The following NPAS3 variants were observed in gnomAD, a reference collection of about 807,000 sequenced individuals.
NPAS3 encodes neuronal PAS domain protein 3.
In NPAS3, 14 loss-of-function variants were observed where a neutral mutation model predicts 73.1. That is an observed-to-expected ratio of 0.19 (90% confidence interval 0.13 to 0.30). The LOEUF (loss-of-function observed/expected upper bound fraction) is 0.30. Among genes scored for constraint, NPAS3 ranks in the 10% least tolerant of loss-of-function variants. NPAS3 has a pLI of 1.00. For missense variants in NPAS3, 1,096 were observed against 1,250.0 expected (o/e 0.88, Z 1.86); for synonymous variants, 620 against 541.5 (o/e 1.14, Z -2.01).
intron 5 of NPAS3, among the ~76,000 whole-genome samples, chr14:33,625,827 A>T (rs1308285419): frequency 6.6e-6 from 1 of 152,208 alleles, no homozygotes; most frequent in African/African-American, 2.4e-5. Flanking sequence ...ATAAAGCAAT[A>T]GGAGAATTCA....
intron 4 of NPAS3, among the ~76,000 whole-genome samples, chr14:33,436,583 T>A (rs1026106945): frequency 6.6e-5 from 10 of 152,214 alleles, no homozygotes; most frequent in African/African-American, 2.2e-4. Context: ...CTGCTGTTTT[T>A]ATAAAGCAGC....
chr14:33,758,436 G>T (rs182643720), intron 7 of NPAS3, among the ~76,000 whole-genome samples: 4 of 152,294 alleles, frequency 2.6e-5, no homozygotes, highest in South Asian at 2.1e-4. Flanking sequence ...CTCATTCAGG[G>T]CTTGGCCAAT....
At chr14:32,950,162 G>C (rs2036425277) in intron 1 of NPAS3, among the ~76,000 whole-genome samples, 1 of 151,992 alleles carries the variant, frequency 6.6e-6, no homozygotes, top group Non-Finnish European at 1.5e-5. Flanking sequence ...TTAGGTCCAT[G>C]ACAATCATCT....
At chr14:33,715,396 G>T (rs2060929852) in intron 6 of NPAS3, among the ~76,000 whole-genome samples, 1 of 152,126 alleles carries the variant, frequency 6.6e-6, no homozygotes, top group African/African-American at 2.4e-5. Context: ...AATTGAAGTG[G>T]GTTGTTTTTC....
intron 5 of NPAS3, among the ~76,000 whole-genome samples, chr14:33,609,638 C>T (rs2057689110): frequency 6.6e-6 from 1 of 152,034 alleles, no homozygotes; most frequent in South Asian, 2.1e-4. Context: ...GTTATAAGTG[C>T]ATCAAGAAGC....
chr14:33,722,930 A>G (rs1393654859), intron 6 of NPAS3, among the ~76,000 whole-genome samples: 5 of 152,160 alleles, frequency 3.3e-5, no homozygotes, highest in Admixed American at 2.6e-4. Context: ...CTAGCTGCCC[A>G]GTCAAATTTC....
chr14:33,506,603 AATTTTGTATTG>A, intron 4 of NPAS3, among the ~76,000 whole-genome samples: 2 of 152,152 alleles, frequency 1.3e-5, no homozygotes, highest in East Asian at 3.9e-4. Flanking sequence ...TAAATCCACA[AATTTTGTATTG>A]ATATGATTAT....
rs58580565 is a variant in NPAS3, at chr14:33,076,698, A to G, written c.140+20704A>G. 2.4e-4 allele frequency among the ~76,000 whole-genome samples: 36 copies of G among 152,342 alleles called. No individual in the cohort carries two copies. The East Asian group carries it at 4.3e-3, about 18-fold the overall frequency. ...TAACAAGATATCCTTCATATACAGT[A>G]TATTGAGCTGAAAGGCATAACTGAG... On this transcript the variant is annotated intron_variant, in intron 2 of 11. Transcript: ENST00000356141.
At chr14:33,157,469 G>T (rs1456905917) in intron 2 of NPAS3, among the ~76,000 whole-genome samples, 1 of 152,144 alleles carries the variant, frequency 6.6e-6, no homozygotes, top group African/African-American at 2.4e-5. Context: ...ATGTTCACAG[G>T]CAGGGCCAGC....
chr14:33,712,301 C>G (rs1243595995), intron 6 of NPAS3, among the ~76,000 whole-genome samples: 1 of 152,122 alleles, frequency 6.6e-6, no homozygotes, highest in African/African-American at 2.4e-5. Context: ...ACCAAGAAGC[C>G]AACAGATTTA....
At chr14:33,438,325 T>C (rs1327139628) in intron 4 of NPAS3, among the ~76,000 whole-genome samples, 1 of 152,292 alleles carries the variant, frequency 6.6e-6, no homozygotes, top group African/African-American at 2.4e-5. Context: ...AGCTTTTCCA[T>C]AGTGAAGAGC....
At position 33,544,788 on chromosome 14, in the gene NPAS3, T is replaced by TTATATATATATATATATATATACA. The variant is rs1555409894; in HGVS notation, c.469-15311_469-15310insCATATATATATATATATATATATA. ...GCATGTATGTGTTTATGTGTGTGTA[T>TTATATATATATATATATATATACA]TATATATATATATATATATATATGT... On this transcript the variant is annotated intron_variant, in intron 4 of 11. Transcript: ENST00000356141. Among the ~76,000 whole-genome samples the TTATATATATATATATATATATACA allele has an allele frequency of 6.3e-4, 40 of 63,258 alleles. 4 individuals carry two copies. The highest frequency in any genetic ancestry group is 3.0e-3 in the African/African-American group (35 of 11,580). The allele number at this position is 63,258 out of a possible 152,430, so 41.5% of individuals were successfully genotyped here. A position where few individuals can be genotyped will look rare whatever the true frequency, so the allele number is the denominator to read the frequency against.
intron 6 of NPAS3, among the ~76,000 whole-genome samples, chr14:33,727,949 G>A (rs866431943): frequency 1.4e-4 from 22 of 152,230 alleles, no homozygotes; most frequent in Middle Eastern, 3.4e-3. Flanking sequence ...GGGTCATATT[G>A]GATACCATGT....
At chr14:33,380,813 C>T (rs1382590572) in intron 4 of NPAS3, among the ~76,000 whole-genome samples, 9 of 152,012 alleles carry the variant, frequency 5.9e-5, no homozygotes, top group African/African-American at 1.9e-4. Flanking sequence ...ATTGTCAGGT[C>T]GGAGCAGCTC....
chr14:33,223,839 A>AC (rs1283209705), intron 3 of NPAS3, among the ~76,000 whole-genome samples: 1 of 151,476 alleles, frequency 6.6e-6, no homozygotes, highest in East Asian at 1.9e-4. Context: ...TGTATGGCAA[A>AC]AAAAAAAATT....
chr14:33,798,469 C>T (rs2063578770), intron 11 of NPAS3, among the ~76,000 whole-genome samples: 1 of 152,152 alleles, frequency 6.6e-6, no homozygotes, highest in South Asian at 2.1e-4. Flanking sequence ...TCCAGGCTGC[C>T]AGTCAGGCTT....
chr14:32,938,740 A>G (rs1009996777), upstream of NPAS3, among the ~76,000 whole-genome samples: 5 of 148,820 alleles, frequency 3.4e-5, no homozygotes, highest in Admixed American at 2.0e-4. Flanking sequence ...GTGACGGGGG[A>G]CGGGGGCGGG....
intron 3 of NPAS3, among the ~76,000 whole-genome samples, chr14:33,261,317 TC>T (rs1243627947): frequency 6.6e-6 from 1 of 151,476 alleles, no homozygotes; most frequent in African/African-American, 2.4e-5. Context: ...AAAAAAGAAC[TC>T]ATTTTCCCCT....
intron 3 of NPAS3, among the ~76,000 whole-genome samples, chr14:33,341,882 A>G (rs1361274783): frequency 6.6e-6 from 1 of 152,216 alleles, no homozygotes; most frequent in Non-Finnish European, 1.5e-5. Context: ...CCACTTCAGA[A>G]TCATTCTAAG....
Sources: allele counts gnomAD v4.1 joint callset (sites outside exome capture counted in the v4.1 genomes callset), GRCh38; gene constraint gnomAD v4.1.1; transcripts MANE v1.5; gene names NCBI Gene and HGNC (gene_info 2026-07-23, HGNC 2026-07-21).